FAF1: variants seen among roughly 807,000 people sequenced by gnomAD.
The protein encoded by FAF1 is FAS-associated factor 1.
Under a neutral mutation model 92.5 loss-of-function variants are expected in FAF1, and 25 were observed. The observed-to-expected ratio is 0.27, with a 90% CI of 0.20 to 0.38. The LOEUF (loss-of-function observed/expected upper bound fraction) is 0.38, where lower values mean the gene tolerates loss of function less well. FAF1 is among the 10% of genes least tolerant of loss of function. The pLI is 1.00. For missense variants in FAF1, 636 were observed against 793.3 expected (o/e 0.80, Z 2.38); for synonymous variants, 234 against 273.2 (o/e 0.86, Z 1.42).
intron 2 of FAF1, among the ~76,000 whole-genome samples, chr1:50,807,287 C>A (rs151233183): frequency 1.6e-4 from 24 of 152,330 alleles, no homozygotes; most frequent in African/African-American, 4.8e-4. Flanking sequence ...TTACTTCAGA[C>A]TGGGTAATTT....
intron 7 of FAF1, among the ~76,000 whole-genome samples, chr1:50,658,172 C>T (rs1655210468): frequency 6.6e-6 from 1 of 151,688 alleles, no homozygotes; most frequent in Non-Finnish European, 1.5e-5. Context: ...CTTTAGGCTT[C>T]AAGACAAAAT....
intron 2 of FAF1, among the ~76,000 whole-genome samples, chr1:50,851,478 T>C (rs1165980471): frequency 6.6e-6 from 1 of 152,218 alleles, no homozygotes; most frequent in Non-Finnish European, 1.5e-5. Context: ...GTGAGCTGAA[T>C]CCCTATTTCA....
chr1:50,729,818 T>C (rs956672210), intron 6 of FAF1, among the ~76,000 whole-genome samples: 36 of 152,018 alleles, frequency 2.4e-4, no homozygotes, highest in Admixed American at 2.3e-3. Context: ...GTCAAGAGAT[T>C]GAGACCATCC....
chr1:50,802,447 T>C (rs983186528), intron 2 of FAF1, among the ~76,000 whole-genome samples: 10 of 152,126 alleles, frequency 6.6e-5, no homozygotes, highest in African/African-American at 2.2e-4. Flanking sequence ...CAAAAGTCAT[T>C]CAATAAACCT....
rs151009110 is a variant in FAF1, at chr1:50,712,395, C to T, written c.552-6504G>A. ...TGTTTGCTGGGCTTGGTAGCTCACA[C>T]CTGTAATCCTAACACTTTGGGAGGC... On this transcript the variant is annotated intron_variant, in intron 6 of 18. Transcript: ENST00000396153. Among the ~76,000 whole-genome samples the T allele has an allele frequency of 3.2e-3, 482 of 152,306 alleles. 3 individuals carry two copies. The highest frequency in any genetic ancestry group is 6.8e-3 in the Middle Eastern group (2 of 294).
intron 4 of FAF1, among the ~76,000 whole-genome samples, chr1:50,787,724 T>C (rs1005512515): frequency 6.6e-6 from 1 of 152,210 alleles, no homozygotes; most frequent in Non-Finnish European, 1.5e-5. Context: ...TTAGGGTATT[T>C]TTTTAAAGCT....
At chr1:50,644,183 C>T (rs902015490) in intron 8 of FAF1, among the ~76,000 whole-genome samples, 4 of 152,308 alleles carry the variant, frequency 2.6e-5, no homozygotes, top group South Asian at 4.1e-4. Flanking sequence ...CTTATTCAGG[C>T]TTCTTTTTAA....
intron 2 of FAF1, among the ~76,000 whole-genome samples, chr1:50,852,401 T>A (rs1318710764): frequency 6.6e-6 from 1 of 152,228 alleles, no homozygotes; most frequent in African/African-American, 2.4e-5. Context: ...AGGCAATTAC[T>A]ATATGTCACA....
At chr1:50,927,897 C>T (rs1164038017) in intron 1 of FAF1, among the ~76,000 whole-genome samples, 1 of 152,010 alleles carries the variant, frequency 6.6e-6, no homozygotes, top group African/African-American at 2.4e-5. Flanking sequence ...TTTTTCTACT[C>T]GTTACATATT....
rs138588465 is a variant in FAF1, at chr1:50,557,465, T to A, written c.1268+9612A>T. On this transcript the variant is annotated intron_variant, in intron 13 of 18. Transcript: ENST00000396153. ...ATTCTTTAATAATTACCTGAACACA[T>A]CAGAAACAGGATTCCACCTTACTCT... Among the ~76,000 whole-genome samples, 308 of 152,282 alleles carry A rather than the reference T, an allele frequency of 2.0e-3. 1 individual carries two copies. Among genetic ancestry groups the A allele is most frequent in the African/African-American group, 6.7e-3 (280 of 41,562 alleles).
chr1:50,586,891 T>C (rs1651260630), intron 9 of FAF1, among the ~76,000 whole-genome samples: 1 of 152,202 alleles, frequency 6.6e-6, no homozygotes, highest in Non-Finnish European at 1.5e-5. Flanking sequence ...TTACAAGATA[T>C]ACCACATGTT....
At chr1:50,949,150 A>T (rs192772063) in intron 1 of FAF1, among the ~76,000 whole-genome samples, 32 of 152,348 alleles carry the variant, frequency 2.1e-4, no homozygotes, top group Non-Finnish European at 4.3e-4. Flanking sequence ...GATCAGAAGC[A>T]TCAGCATAAC....
intron 7 of FAF1, among the ~76,000 whole-genome samples, chr1:50,665,329 G>A (rs1655570948): frequency 6.6e-6 from 1 of 152,180 alleles, no homozygotes; most frequent in Non-Finnish European, 1.5e-5. Context: ...AATGTCAGAA[G>A]CAATATACTA....
intron 1 of FAF1, among the ~76,000 whole-genome samples, chr1:50,944,626 CCATA>C (rs751141964): frequency 6.6e-5 from 10 of 152,202 alleles, no homozygotes; most frequent in South Asian, 2.1e-4. Context: ...CCACTGTCTA[CCATA>C]CAGAGACTCA....
chr1:50,481,914 G>C (rs1302099719), intron 17 of FAF1, among the ~76,000 whole-genome samples: 1 of 152,102 alleles, frequency 6.6e-6, no homozygotes, highest in Non-Finnish European at 1.5e-5. Context: ...AGAGGGGTAG[G>C]AGTTAAAGTT....
intron 15 of FAF1, among the ~76,000 whole-genome samples, chr1:50,492,641 CATTT>C (rs1047251084): frequency 3.9e-5 from 6 of 152,080 alleles, no homozygotes; most frequent in African/African-American, 1.4e-4. Flanking sequence ...CCTTTTTGGT[CATTT>C]ATTTATTAGG....
At chr1:50,662,269 G>A (rs1655407670) in intron 7 of FAF1, among the ~76,000 whole-genome samples, 1 of 152,096 alleles carries the variant, frequency 6.6e-6, no homozygotes, top group South Asian at 2.1e-4. Context: ...TTTCAATCAG[G>A]CTTTGAACTG....
intron 8 of FAF1, among the ~76,000 whole-genome samples, chr1:50,632,883 T>C (rs1653853855): frequency 6.6e-6 from 1 of 152,174 alleles, no homozygotes; most frequent in Non-Finnish European, 1.5e-5. Flanking sequence ...CCAGGTAAAA[T>C]TCTATTTTCT....
chr1:50,455,096 G>A (rs1466236623), intron 18 of FAF1, among the ~76,000 whole-genome samples: 1 of 152,212 alleles, frequency 6.6e-6, no homozygotes, highest in Non-Finnish European at 1.5e-5. Flanking sequence ...ACCATCAGCA[G>A]GTCATTCCAG....
Sources: allele counts gnomAD v4.1 joint callset (sites outside exome capture counted in the v4.1 genomes callset), GRCh38; gene constraint gnomAD v4.1.1; transcripts MANE v1.5; gene names NCBI Gene and HGNC (gene_info 2026-07-23, HGNC 2026-07-21).